Variants in MYO3B observed in about 807,000 individuals in gnomAD.
The protein encoded by MYO3B is myosin-IIIb.
Under a neutral mutation model 174.6 loss-of-function variants are expected in MYO3B, and 156 were observed. The ratio of observed to expected loss-of-function variants is 0.89; its 90% CI spans 0.78 to 1.02. MYO3B has a LOEUF of 1.02. MYO3B is among the 50% of genes least tolerant of loss of function. The pLI is 0.00. For missense variants in MYO3B, 1,632 were observed against 1,639.4 expected (o/e 1.00, Z 0.08); for synonymous variants, 563 against 569.1 (o/e 0.99, Z 0.15).
At chr2:170,389,306 G>T (rs544184142) in intron 14 of MYO3B, among the ~76,000 whole-genome samples, 12 of 152,146 alleles carry the variant, frequency 7.9e-5, no homozygotes, top group Non-Finnish European at 1.5e-4. Context: ...CATATAACTG[G>T]TTCTGGCAAG....
At chr2:170,375,669 A>T (rs141559172) in intron 9 of MYO3B, among the ~76,000 whole-genome samples, 28 of 151,980 alleles carry the variant, frequency 1.8e-4, no homozygotes, top group African/African-American at 5.3e-4. Flanking sequence ...AGTTTTCCCC[A>T]GTAATCCTTG....
chr2:170,317,300 T>G (rs1397674106), intron 7 of MYO3B, among the ~76,000 whole-genome samples: 2 of 113,996 alleles, frequency 1.8e-5, no homozygotes, highest in Non-Finnish European at 4.3e-5. Flanking sequence ...GTTGACTACA[T>G]AAGTCTGTTT....
At chr2:170,430,972 A>T (rs1189984706) in intron 22 of MYO3B, among the ~76,000 whole-genome samples, 2 of 152,176 alleles carry the variant, frequency 1.3e-5, no homozygotes, top group African/African-American at 2.4e-5. Context: ...ATTTGAATAC[A>T]TCCTTTGCCT....
chr2:170,547,749 C>G (rs553458683), intron 32 of MYO3B, among the ~76,000 whole-genome samples: 2 of 152,206 alleles, frequency 1.3e-5, no homozygotes, highest in East Asian at 3.9e-4. Flanking sequence ...TATCAAAACC[C>G]TGTCCACATG....
chr2:170,369,250 C>A lies in MYO3B; in HGVS notation c.844C>A (p.Pro282Thr). The part of the protein sequence containing the change: ...QCLIKDFERR[P>T]SVTHLLDHPF... ...TCTTATTAAGGATTTTGAAAGGCGA[C>A]CTTCCGTCACACATCTCCTTGACCA... Residue 282 changes from proline (P) to threonine (T), a missense_variant, in exon 9 of 35, where the codon CCT becomes ACT. Coordinates refer to ENST00000408978, the MANE Select transcript of MYO3B (RefSeq NM_138995.5). 6.2e-7 allele frequency: 1 copy of A among 1,613,150 alleles called. No individual in the cohort carries two copies. Among genetic ancestry groups the A allele is most frequent in the South Asian group, 1.1e-5 (1 of 90,932 alleles).
At chr2:170,485,602 G>A (rs1056326202) in intron 25 of MYO3B, among the ~76,000 whole-genome samples, 1 of 152,138 alleles carries the variant, frequency 6.6e-6, no homozygotes, top group Non-Finnish European at 1.5e-5. Flanking sequence ...TGACATTCAT[G>A]ATATTTATTT....
At chr2:170,483,107 G>C (rs1217649790) in intron 25 of MYO3B, among the ~76,000 whole-genome samples, 1 of 152,260 alleles carries the variant, frequency 6.6e-6, no homozygotes, top group African/African-American at 2.4e-5. Flanking sequence ...TGAAAAAGTG[G>C]ATGCAAGAAT....
rs183478786 is a variant in MYO3B, at chr2:170,543,999, C to T, written c.3733+11C>T. The T allele has an allele frequency of 3.5e-4, 564 of 1,592,504 alleles. No homozygotes were observed. Among genetic ancestry groups the T allele is most frequent in the Non-Finnish European group, 4.6e-4 (533 of 1,161,348 alleles). On this transcript the variant is annotated intron_variant, in intron 32 of 34. Transcript: ENST00000408978. ...CCCCTCAAAAGCCTGGTAAGAAGAA[C>T]GTTTTGAATTGCATGCGGCTTCTAC... is the stretch of plus-strand genomic sequence containing the variant.
chr2:170,582,583 T>G (rs539153029), intron 32 of MYO3B, among the ~76,000 whole-genome samples: 3 of 152,122 alleles, frequency 2.0e-5, no homozygotes, highest in Non-Finnish European at 4.4e-5. Flanking sequence ...CCCGTTTCCT[T>G]CAGTGGCTTG....
intron 32 of MYO3B, among the ~76,000 whole-genome samples, chr2:170,580,882 C>T (rs577375677): frequency 6.6e-6 from 1 of 152,098 alleles, no homozygotes; most frequent in South Asian, 2.1e-4. Flanking sequence ...ACATATAGAA[C>T]TCTCATTAAT....
intron 32 of MYO3B, among the ~76,000 whole-genome samples, chr2:170,631,162 G>T (rs1312572184): frequency 6.6e-6 from 1 of 152,212 alleles, no homozygotes; most frequent in African/African-American, 2.4e-5. Flanking sequence ...AAAAAGATTA[G>T]ATGAATGGCT....
intron 32 of MYO3B, among the ~76,000 whole-genome samples, chr2:170,621,161 T>C (rs540709640): frequency 1.1e-4 from 17 of 151,924 alleles, no homozygotes; most frequent in Non-Finnish European, 2.2e-4. Context: ...AGTGCTGGGA[T>C]TACATGCATG....
chr2:170,253,644 T>C (rs1051456119), intron 7 of MYO3B, among the ~76,000 whole-genome samples: 2 of 152,088 alleles, frequency 1.3e-5, no homozygotes, highest in Non-Finnish European at 2.9e-5. Flanking sequence ...TCCTGAGGGC[T>C]ACTCCCACAT....
At chr2:170,601,891 A>AT in intron 32 of MYO3B, 1 of 849,002 alleles carries the variant, frequency 1.2e-6, no homozygotes, top group Non-Finnish European at 1.9e-6. Context: ...CTCTCCTTTG[A>AT]TTTTTGGGCA....
At chr2:170,616,867 C>A (rs534047818) in intron 32 of MYO3B, among the ~76,000 whole-genome samples, 1 of 152,308 alleles carries the variant, frequency 6.6e-6, no homozygotes, top group Non-Finnish European at 1.5e-5. Flanking sequence ...AAATTATCTT[C>A]ACTTCCTTGT....
Position 170,402,942 on chromosome 2 carries a change from G to T in MYO3B, c.2224G>T (p.Ala742Ser). The T allele has an allele frequency of 6.2e-7, 1 of 1,610,430 alleles. No individual in the cohort carries two copies. The change falls in exon 19 of 35, where the codon GCC (alanine) becomes TCC (serine). Residue 742 changes from alanine to serine, a missense_variant. Ala to Ser is a moderately conservative substitution (Grantham distance 99, BLOSUM62 1). Transcript: ENST00000408978. ...NSFEQLCINIANEQIQYYFNQ... is the reference protein window; with the variant it reads ...NSFEQLCINISNEQIQYYFNQ... Reference sequence around the variant, plus strand: ...ATTTGAGCAGCTCTGCATAAACATCGCCAATGAGCAAATCCAGTACTATTT... The same window carrying T: ...ATTTGAGCAGCTCTGCATAAACATCTCCAATGAGCAAATCCAGTACTATTT...
At chr2:170,453,733 A>G (rs1683749957) in intron 23 of MYO3B, among the ~76,000 whole-genome samples, 2 of 152,168 alleles carry the variant, frequency 1.3e-5, no homozygotes, top group African/African-American at 4.8e-5. Flanking sequence ...TGCATGAGGA[A>G]CTGAATTAAC....
intron 7 of MYO3B, among the ~76,000 whole-genome samples, chr2:170,312,225 T>C (rs987259584): frequency 2.6e-5 from 4 of 152,216 alleles, no homozygotes; most frequent in Admixed American, 6.5e-5. Flanking sequence ...TTCAGGTTTG[T>C]TGTGATTTCA....
intron 32 of MYO3B, among the ~76,000 whole-genome samples, chr2:170,633,563 G>C (rs1282354274): frequency 6.6e-6 from 1 of 152,116 alleles, no homozygotes; most frequent in Non-Finnish European, 1.5e-5. Context: ...ACTGGCACAA[G>C]ACAGGGATGC....
Sources: allele counts gnomAD v4.1 joint callset (sites outside exome capture counted in the v4.1 genomes callset), GRCh38; gene constraint gnomAD v4.1.1; transcripts MANE v1.5; gene names NCBI Gene and HGNC (gene_info 2026-07-23, HGNC 2026-07-21).